Variants in INPPL1 observed in about 807,000 individuals in gnomAD.
The protein encoded by INPPL1 is phosphatidylinositol 3,4,5-trisphosphate 5-phosphatase 2.
Under a neutral mutation model 139.3 loss-of-function variants are expected in INPPL1, and 91 were observed. The observed-to-expected ratio is 0.65, with a 90% CI of 0.55 to 0.78. The LOEUF (loss-of-function observed/expected upper bound fraction) is 0.78. INPPL1 is among the 30% of genes least tolerant of loss of function. The pLI is 0.00. For missense variants in INPPL1, 1,411 were observed against 1,665.6 expected, an observed-to-expected ratio of 0.85 and a Z score of 2.66; for synonymous variants, 719 against 686.6, an observed-to-expected ratio of 1.05 and a Z score of -0.74.
In INPPL1 at chr11:72,229,910, C is replaced by CT. The variant is rs761696779; in HGVS notation, c.844-12dup. ...GTGTGTCCCCTGACCCCGCCCTGCC[C>CT]TTGTTCCCTCCAGGCCCTGAAGGCC... On this transcript the variant is annotated splice_polypyrimidine_tract_variant and intron_variant, in intron 7 of 27. Transcript: ENST00000298229. 6 of 1,613,236 alleles carry CT rather than the reference C, an allele frequency of 3.7e-6. No homozygotes were observed. The African/African-American group carries it at 8.0e-5, about 22-fold the overall frequency.
chr11:72,237,230 C>A lies in INPPL1; in HGVS notation c.2986C>A (p.Leu996Met), dbSNP rs17847222. The change falls in exon 26 of 28, where the codon CTG becomes ATG. Residue 996 changes from leucine (L) to methionine (M), a missense_variant. Physicochemically the swap from Leu to Met is conservative, Grantham distance 15 (BLOSUM62 2). Around this residue, in one of 5 missense-constraint regions of INPPL1, gnomAD observed 438 missense variants for 425.7 expected, o/e 1.03. Coordinates refer to ENST00000298229, the MANE Select transcript of INPPL1 (RefSeq NM_001567.4). Reference sequence around the variant, plus strand: ...CGTCCTTGAAGGGGTCCCGCACCAGCTGCTGCCCCCGGAGCCACCCTCGCC... The same window carrying A: ...CGTCCTTGAAGGGGTCCCGCACCAGATGCTGCCCCCGGAGCCACCCTCGCC... Reference protein sequence around the residue: ...YYVLEGVPHQLLPPEPPSPAR... With the variant: ...YYVLEGVPHQMLPPEPPSPAR... 88 of 1,613,940 alleles carry A rather than the reference C, an allele frequency of 5.5e-5. No homozygotes were observed. The East Asian group carries it at 1.9e-3, about 35-fold the overall frequency.
chr11:72,231,810 C>A (rs1381343064), intron 13 of INPPL1, among the ~76,000 whole-genome samples, 195 bp downstream of exon 13: 2 of 152,170 alleles, frequency 1.3e-5, no homozygotes, highest in Middle Eastern at 3.2e-3. Context: ...AGGATAATTA[C>A]CCCCTTTTCA....
chr11:72,235,685 C>T lies in INPPL1; in HGVS notation c.2670C>T (p.Ser890=), dbSNP rs1297101107. 1 of 1,614,052 alleles carries T rather than the reference C, an allele frequency of 6.2e-7. No individual in the cohort carries two copies. The highest frequency in any genetic ancestry group is 1.1e-5 in the South Asian group (1 of 91,088). Residue 890 remains serine, a synonymous_variant, in exon 24 of 28, where the codon AGC becomes AGT. Transcript: ENST00000298229. The surrounding 1 kb of genome is among the most constrained non-coding windows in gnomAD (Gnocchi z 4.9). ...GTRERLYEWI[S]IDKDEAGAKS... is the part of the protein sequence containing the mutation. ...TTCCTGCCCCCTCAGAGTGGATCAG[C>T]ATTGATAAGGATGAGGCAGGAGCAA...
In INPPL1 at chr11:72,224,860, G is replaced by A; in HGVS notation, c.-125G>A. ...GGCGGAGTGCTGAGTCCCGATCCCCGGCTCTGTCCGGCCCACGGATCCTCA... is the reference window on the plus strand; with the variant it reads ...GGCGGAGTGCTGAGTCCCGATCCCCAGCTCTGTCCGGCCCACGGATCCTCA... On this transcript the variant is annotated 5_prime_UTR_variant, in exon 1 of 28. Coordinates refer to ENST00000298229, the MANE Select transcript of INPPL1 (RefSeq NM_001567.4). The A allele has an allele frequency of 1.6e-6, 1 of 619,538 alleles. No individual in the cohort carries two copies. The highest frequency in any genetic ancestry group is 2.1e-6 in the Non-Finnish European group (1 of 487,714). The allele number at this position is 619,538 out of a possible 1,614,324, so 38.4% of individuals were successfully genotyped here.
intron 25 of INPPL1, among the ~76,000 whole-genome samples, chr11:72,236,691 AG>A (rs935573801): frequency 3.9e-4 from 59 of 152,294 alleles, no homozygotes; most frequent in African/African-American, 1.3e-3. Context: ...AGCTGTTGTC[AG>A]TCACCCCGGT....
Position 72,237,166 on chromosome 11 carries a change from C to A in INPPL1, c.2922C>A (p.Ala974=), listed in dbSNP as rs200100388. Residue 974 remains alanine, a synonymous_variant, in exon 26 of 28, where the codon GCC becomes GCA. Transcript: ENST00000298229. ...CTCCTGAACCAGAAGGGGTGGCGGC[C>A]CCCCCACCCAAGAACAGCTTCAATA... The part of the protein sequence containing the change: ...EGAPEPEGVA[A]PPPKNSFNNP... 1.3e-4 allele frequency: 202 copies of A among 1,602,590 alleles called. 1 individual carries two copies. The highest frequency in any genetic ancestry group is 1.7e-4 in the Non-Finnish European group (199 of 1,171,432).
In INPPL1 at chr11:72,231,515, G is replaced by A. The variant is rs781622430; in HGVS notation, c.1515G>A (p.Leu505=). The A allele has an allele frequency of 6.8e-6, 11 of 1,613,824 alleles. No individual in the cohort carries two copies. In the Admixed American group the frequency reaches 1.2e-4, roughly 17 times the overall value. ...LDYRPIAMQS[L]WNIKVAVLVK... ...CTACCCAGATTGCCATGCAATCACT[G>A]TGGAATATCAAGGTGGCAGTGCTGG... The change falls in exon 13 of 28, where the codon CTG becomes CTA. Residue 505 remains leucine, a synonymous_variant. Transcript: ENST00000298229.
chr11:72,234,278 C>G lies in INPPL1; in HGVS notation c.2213-3C>G. The G allele has an allele frequency of 1.2e-6, 2 of 1,608,284 alleles. No homozygotes were observed. The highest frequency in any genetic ancestry group is 1.7e-6 in the Non-Finnish European group (2 of 1,174,792). On this transcript the variant is annotated splice_polypyrimidine_tract_variant and splice_region_variant and intron_variant, in intron 19 of 27. Transcript: ENST00000298229. This position sits in a 1 kb window ranked among gnomAD's most constrained non-coding sequence, Gnocchi z 4.2. Reference sequence around the variant, plus strand: ...CTGTTTGTTCTCCTCCCTTTCTCCTCAGGGCTCTCAAAGACTTCAGACCAG... The same window carrying G: ...CTGTTTGTTCTCCTCCCTTTCTCCTGAGGGCTCTCAAAGACTTCAGACCAG...
Position 72,234,096 on chromosome 11 carries a change from T to C in INPPL1, c.2213-185T>C, listed in dbSNP as rs554258474. On this transcript the variant is annotated intron_variant, in intron 19 of 27. Coordinates refer to ENST00000298229, the MANE Select transcript of INPPL1 (RefSeq NM_001567.4). This position sits in a 1 kb window ranked among gnomAD's most constrained non-coding sequence, Gnocchi z 4.2. The stretch of plus-strand genomic sequence containing the variant: ...GGTTTTTTATCCTTGGGTTGTCTCT[T>C]TGCTCTGGTCCAGGGTCTGGCCTCT... 6.8e-4 allele frequency among the ~76,000 whole-genome samples: 103 copies of C among 152,164 alleles called. No individual in the cohort carries two copies. The highest frequency in any genetic ancestry group is 8.4e-4 in the Non-Finnish European group (57 of 68,022).
chr11:72,228,780 T>C lies in INPPL1; in HGVS notation c.451T>C (p.Ser151Pro), dbSNP rs768035194. The C allele has an allele frequency of 4.3e-6, 7 of 1,612,676 alleles. No individual in the cohort carries two copies. In the South Asian group the frequency reaches 7.7e-5, roughly 18 times the overall value. Residue 151 changes from serine (S) to proline (P), a missense_variant, in exon 4 of 28, where the codon TCT becomes CCT. This residue lies in a region of INPPL1 where 504 missense variants were observed against 595.6 expected (regional missense o/e 0.85). Transcript: ENST00000298229. The surrounding 1 kb of genome is among the most constrained non-coding windows in gnomAD (Gnocchi z 5.0). ...LPPRSGSTSISAPTGPSSPLP... is the reference protein window; with the variant it reads ...LPPRSGSTSIPAPTGPSSPLP... ...CCCGCGCTCTGGCTCCACCAGCATT[T>C]CTGCCCCCACTGGGCCCAGCAGTCC...
Position 72,235,658 on chromosome 11 carries a change from C to T in INPPL1, c.2660-17C>T. The T allele has an allele frequency of 6.2e-7, 1 of 1,613,402 alleles. No individual in the cohort carries two copies. The highest frequency in any genetic ancestry group is 8.5e-7 in the Non-Finnish European group (1 of 1,179,620). The stretch of plus-strand genomic sequence containing the variant: ...GGAGCCCAGGTCTCCTCTGAGTCTC[C>T]CTTCCTGCCCCCTCAGAGTGGATCA... On this transcript the variant is annotated splice_polypyrimidine_tract_variant and intron_variant, in intron 23 of 27. Transcript: ENST00000298229. The surrounding 1 kb of genome is among the most constrained non-coding windows in gnomAD (Gnocchi z 4.9).
At position 72,235,091 on chromosome 11, in the gene INPPL1, C is replaced by T. The variant is rs1340031625; in HGVS notation, c.2416-25C>T. ...AGGAGGAAGTGGCGGGGCTTTGTTC[C>T]TCACTGGGCCTCCCTGCTTCCCAGC... is the stretch of plus-strand genomic sequence containing the variant. On this transcript the variant is annotated intron_variant, in intron 21 of 27. Transcript: ENST00000298229. The surrounding 1 kb of genome is among the most constrained non-coding windows in gnomAD (Gnocchi z 4.9). The T allele has an allele frequency of 6.3e-7, 1 of 1,599,022 alleles. No individual in the cohort carries two copies. The highest frequency in any genetic ancestry group is 8.6e-7 in the Non-Finnish European group (1 of 1,169,464).
chr11:72,232,263 T>G lies in INPPL1; in HGVS notation c.1639T>G (p.Ser547Ala). Residue 547 changes from serine to alanine, a missense_variant, in exon 14 of 28, where the codon TCC becomes GCC. Ser to Ala is a moderately conservative substitution (Grantham distance 99). Coordinates refer to ENST00000298229, the MANE Select transcript of INPPL1 (RefSeq NM_001567.4). ...AGGGAACAAGGGGGCTGTGGGCGTCTCCTTCATGTTTAATGGCACCTCATT... is the reference window on the plus strand; with the variant it reads ...AGGGAACAAGGGGGCTGTGGGCGTCGCCTTCATGTTTAATGGCACCTCATT... ...TLGNKGAVGVSFMFNGTSFGF... is the reference protein window; with the variant it reads ...TLGNKGAVGVAFMFNGTSFGF... 4 of 1,557,226 alleles carry G rather than the reference T, an allele frequency of 2.6e-6. No individual in the cohort carries two copies.
In INPPL1 at chr11:72,232,566, C is replaced by G; in HGVS notation, c.1713-60C>G. 2.5e-6 allele frequency: 4 copies of G among 1,590,786 alleles called. No individual in the cohort carries two copies. In the East Asian group the frequency reaches 6.7e-5, roughly 27 times the overall value. On this transcript the variant is annotated intron_variant, in intron 14 of 27. Transcript: ENST00000298229. ...AGACTTCTTCCCTTTATGCCTATCC[C>G]TGACTTCTGGCCCTGACCCTGGGGA...
chr11:72,237,544 C>T lies in INPPL1; in HGVS notation c.3300C>T (p.Pro1100=), dbSNP rs144438934. 5.0e-6 allele frequency: 8 copies of T among 1,602,480 alleles called. No individual in the cohort carries two copies. The highest frequency in any genetic ancestry group is 4.0e-5 in the African/African-American group (3 of 74,868). The change falls in exon 26 of 28, where the codon CCC becomes CCT. Residue 1100 remains proline (P), a synonymous_variant. Transcript: ENST00000298229. ...PPKAHPRPPL[P]PGPSPASTFL... ...AGGCCCATCCAAGGCCTCCACTGCC[C>T]CCAGGCCCCTCACCAGCCAGCACTT...
intron 1 of INPPL1, among the ~76,000 whole-genome samples, chr11:72,227,622 C>T (rs1948709614): frequency 6.6e-6 from 1 of 152,192 alleles, no homozygotes; most frequent in Non-Finnish European, 1.5e-5. Context: ...TCTTGCCCCT[C>T]CTTGGCTTGG....
Position 72,230,020 on chromosome 11 carries a change from G to A in INPPL1, c.939+1G>A, listed in dbSNP as rs1948786646. ...GACCATCCCCGTGCAGGCCTTTGAG[G>A]TACATGGCAGTGGGGCCTCACAGGG... On this transcript the variant is annotated splice_donor_variant, in intron 8 of 27. Coordinates refer to ENST00000298229, the MANE Select transcript of INPPL1 (RefSeq NM_001567.4). LOFTEE classifies it high-confidence loss of function. The A allele has an allele frequency of 6.2e-7, 1 of 1,614,198 alleles. No individual in the cohort carries two copies. Among genetic ancestry groups the A allele is most frequent in the Non-Finnish European group, 8.5e-7 (1 of 1,180,016 alleles).
In INPPL1 at chr11:72,230,385, CG is replaced by C. The variant is rs1135401751; in HGVS notation, c.1115del (p.Arg372LeufsTer40). The C allele has an allele frequency of 1.9e-6, 3 of 1,614,118 alleles. No individual in the cohort carries two copies. Among genetic ancestry groups the C allele is most frequent in the Non-Finnish European group, 2.5e-6 (3 of 1,180,046 alleles). On this transcript the variant is annotated frameshift_variant, in exon 10 of 28. Coordinates refer to ENST00000298229, the MANE Select transcript of INPPL1 (RefSeq NM_001567.4). LOFTEE classifies it high-confidence loss of function. The stretch of plus-strand genomic sequence containing the variant: ...AGTCCGCCAGCTCATTAAGTCCCAG[CG>C]TGTCCAGAACAAGCTGGGTGTTGTG... Reference protein sequence around the residue: ...DRIRQLIKSQRVQNKLGVVFE... With the variant: ...DRIRQLIKSQXVQNKLGVVFE...
chr11:72,226,771 G>A (rs1948686671), intron 1 of INPPL1, among the ~76,000 whole-genome samples: 1 of 152,130 alleles, frequency 6.6e-6, no homozygotes, highest in African/African-American at 2.4e-5. Flanking sequence ...CTGCTTCCCA[G>A]CCCCCTCTGA....
Sources: gnomAD v4.1 joint callset for allele counts (sites outside exome capture counted in the v4.1 genomes callset) on GRCh38, gnomAD v4.1.1 for gene constraint, gnomAD v4.1.1 regional missense constraint, Gnocchi (gnomAD v3.1) non-coding constraint, MANE v1.5 for transcripts, NCBI Gene and HGNC (gene_info 2026-07-23, HGNC 2026-07-21) for gene names.